PPP2R2C: variants seen among roughly 807,000 people sequenced by gnomAD.
The protein encoded by PPP2R2C is protein phosphatase 2 regulatory subunit Bgamma.
PPP2R2C carries 10 observed loss-of-function variants against 45.3 expected under a neutral mutation model. That is an observed-to-expected ratio of 0.22 (90% CI 0.14 to 0.37). The LOEUF (loss-of-function observed/expected upper bound fraction) is 0.37, where lower values mean the gene tolerates loss of function less well. Among genes scored for constraint, PPP2R2C ranks in the 10% least tolerant of loss-of-function variants. The probability of loss-of-function intolerance (pLI) is 1.00; values close to 1 mark genes in which losing one functional copy is unlikely to be tolerated. For synonymous variants in PPP2R2C, 257 were observed against 245.4 expected (o/e 1.05, Z -0.44); for missense variants, 308 against 619.7 (o/e 0.50, Z 5.34).
rs533584264 is a variant in PPP2R2C at position 6,384,781 on chromosome 4, A to G, written c.71-3687T>C. ...CCTCACGCCAGCCCCTGCGGGAGAC[A>G]CTACTGTGATTTCCATTTGGCAGCA... is the stretch of plus-strand genomic sequence containing the variant. On this transcript the variant is annotated intron_variant, in intron 1 of 8. Coordinates refer to ENST00000382599, the MANE Select transcript of PPP2R2C (RefSeq NM_020416.4). 1.0e-5 allele frequency: 10 copies of G among 985,444 alleles called. No homozygotes were observed. The South Asian group carries it at 4.2e-4, about 42-fold the overall frequency. The allele number at this position is 985,444 out of a possible 1,614,324, so 61.0% of individuals were successfully genotyped here.
chr4:6,504,733 T>G (rs1723165559), intron 2 of PPP2R2C, among the ~76,000 whole-genome samples: 1 of 152,004 alleles, frequency 6.6e-6, no homozygotes, highest in Non-Finnish European at 1.5e-5. Context: ...TGAAGGGAGA[T>G]CGACAGAATT....
At chr4:6,371,264 C>T (rs191239318) in intron 5 of PPP2R2C, among the ~76,000 whole-genome samples, 31 of 152,372 alleles carry the variant, frequency 2.0e-4, no homozygotes, top group African/African-American at 4.8e-4. Flanking sequence ...GGACATCCAA[C>T]GCTTTGCTCT....
chr4:6,366,747 G>C (rs1309637871), intron 5 of PPP2R2C, among the ~76,000 whole-genome samples: 1 of 152,184 alleles, frequency 6.6e-6, no homozygotes, highest in Non-Finnish European at 1.5e-5. Context: ...GCGGATGGCA[G>C]TGCTCCACCC....
chr4:6,411,390 G>C (rs1189752447), intron 1 of PPP2R2C, among the ~76,000 whole-genome samples: 1 of 152,096 alleles, frequency 6.6e-6, no homozygotes, highest in Non-Finnish European at 1.5e-5. Context: ...AGCCCAGGCT[G>C]GCACACAGCA....
intron 1 of PPP2R2C, among the ~76,000 whole-genome samples, chr4:6,539,761 G>A (rs151200566): frequency 1.3e-5 from 2 of 152,270 alleles, no homozygotes; most frequent in East Asian, 3.9e-4. Flanking sequence ...AGGCATTCCC[G>A]ATTACCCTCG....
chr4:6,356,871 G>A (rs538986750), intron 5 of PPP2R2C, among the ~76,000 whole-genome samples: 97 of 152,304 alleles, frequency 6.4e-4, no homozygotes, highest in African/African-American at 2.3e-3. Context: ...ACCGGCATGA[G>A]ACAGGGACAG....
chr4:6,511,556 T>G (rs1243102281), intron 2 of PPP2R2C, among the ~76,000 whole-genome samples: 7 of 73,860 alleles, frequency 9.5e-5, no homozygotes, highest in African/African-American at 3.3e-4. Flanking sequence ...ATGGTGGTGG[T>G]GGTGGTGGTG....
chr4:6,532,201 G>A (rs1457307118), intron 2 of PPP2R2C, among the ~76,000 whole-genome samples: 1 of 152,216 alleles, frequency 6.6e-6, no homozygotes, highest in Non-Finnish European at 1.5e-5. Context: ...CATGGCAAGT[G>A]CGATCTATGG....
chr4:6,392,231 A>G (rs1480827449), intron 1 of PPP2R2C, among the ~76,000 whole-genome samples: 1 of 152,188 alleles, frequency 6.6e-6, no homozygotes, highest in Non-Finnish European at 1.5e-5. Context: ...ACCACAATAG[A>G]AAATTTAATT....
At chr4:6,547,567 C>A (rs4563558) in intron 1 of PPP2R2C, among the ~76,000 whole-genome samples, 116,126 of 151,904 alleles carry the variant, frequency 0.76, 44,584 homozygotes, top group East Asian at 0.89. Flanking sequence ...ATCTAATAAA[C>A]GCTCTGCGGA....
At chr4:6,461,208 G>A (rs771468642) in intron 1 of PPP2R2C, among the ~76,000 whole-genome samples, 21 of 152,190 alleles carry the variant, frequency 1.4e-4, no homozygotes, top group Non-Finnish European at 2.5e-4. Flanking sequence ...CACCGTGCAC[G>A]TGTGGACACT....
intron 1 of PPP2R2C, among the ~76,000 whole-genome samples, chr4:6,434,561 G>T (rs1173403331): frequency 1.3e-5 from 2 of 152,024 alleles, no homozygotes; most frequent in South Asian, 4.2e-4. Context: ...GTTTCGTGAT[G>T]CTGGCCAGTC....
At chr4:6,483,162 GAC>G in intron 2 of PPP2R2C, among the ~76,000 whole-genome samples, 1 of 151,388 alleles carries the variant, frequency 6.6e-6, no homozygotes, top group Non-Finnish European at 1.5e-5. Flanking sequence ...TTGATAGATA[GAC>G]GATAGATAGA....
At chr4:6,483,117 A>G (rs191518668) in intron 2 of PPP2R2C, among the ~76,000 whole-genome samples, 124 of 101,638 alleles carry the variant, frequency 1.2e-3, no homozygotes, top group African/African-American at 3.9e-3. Context: ...ATAAATGGAT[A>G]GATAGATAGA....
At chr4:6,375,225 AGGCCAAT>A (rs1715201004) in intron 4 of PPP2R2C, among the ~76,000 whole-genome samples, 1 of 152,218 alleles carries the variant, frequency 6.6e-6, no homozygotes, top group Non-Finnish European at 1.5e-5. Flanking sequence ...CCAGTCATTT[AGGCCAAT>A]GTATTTAAAC....
intron 3 of PPP2R2C, among the ~76,000 whole-genome samples, chr4:6,377,773 G>A (rs1164505979): frequency 6.6e-6 from 1 of 152,148 alleles, no homozygotes; most frequent in African/African-American, 2.4e-5. Context: ...GGGGACCCAG[G>A]CCCATGGTGA....
At chr4:6,362,230 G>C (rs1487695311) in intron 5 of PPP2R2C, among the ~76,000 whole-genome samples, 1 of 152,160 alleles carries the variant, frequency 6.6e-6, no homozygotes, top group Non-Finnish European at 1.5e-5. Flanking sequence ...AGGCTCCAGG[G>C]TGATGGAGTA....
At chr4:6,419,009 T>C (rs1025234653) in intron 1 of PPP2R2C, among the ~76,000 whole-genome samples, 12 of 152,216 alleles carry the variant, frequency 7.9e-5, no homozygotes, top group African/African-American at 2.9e-4. Flanking sequence ...GAGGAAACCG[T>C]GCCCACTCAG....
Position 6,324,968 on chromosome 4 carries a change from T to C in PPP2R2C, c.1053-1375A>G, listed in dbSNP as rs1577064449. 2.0e-5 allele frequency among the ~76,000 whole-genome samples: 3 copies of C among 152,330 alleles called. No individual in the cohort carries two copies. Among genetic ancestry groups the C allele is most frequent in the Admixed American group, 6.5e-5 (1 of 15,308 alleles). On this transcript the variant is annotated intron_variant, in intron 8 of 8. Transcript: ENST00000382599. This position sits in a 1 kb window ranked among gnomAD's most constrained non-coding sequence, Gnocchi z 4.1. ...TGAAGGCTCTTCAGGGAGGAAATCC[T>C]GTTTCCTTTTGGAAGCTGAGCTGGG...
Sources: gnomAD v4.1 joint callset for allele counts (sites outside exome capture counted in the v4.1 genomes callset) on GRCh38, gnomAD v4.1.1 for gene constraint, Gnocchi (gnomAD v3.1) non-coding constraint, MANE v1.5 for transcripts, NCBI Gene and HGNC (gene_info 2026-07-23, HGNC 2026-07-21) for gene names.